SNTG1: variants seen among roughly 807,000 people sequenced by gnomAD.
SNTG1 encodes the protein gamma-1-syntrophin.
In SNTG1, 39 loss-of-function variants were observed where a neutral mutation model predicts 74.7. The observed-to-expected ratio is 0.52, with a 90% confidence interval of 0.40 to 0.68. The LOEUF (loss-of-function observed/expected upper bound fraction) is 0.68. SNTG1 is among the 30% of genes least tolerant of loss of function. The pLI is 0.00. For missense variants in SNTG1, 685 were observed against 609.5 expected (o/e 1.12, Z -1.30); for synonymous variants, 254 against 217.1 (o/e 1.17, Z -1.49).
At chr8:50,089,763 G>T (rs9772885) in intron 1 of SNTG1, among the ~76,000 whole-genome samples, 4 of 151,658 alleles carry the variant, frequency 2.6e-5, no homozygotes, top group Admixed American at 6.6e-5. Context: ...AACAACAGGT[G>T]CTGGAGAGGA....
intron 2 of SNTG1, among the ~76,000 whole-genome samples, chr8:50,241,442 T>C (rs929612510): frequency 2.0e-5 from 3 of 152,088 alleles, no homozygotes; most frequent in African/African-American, 7.2e-5. Flanking sequence ...GTGGCAATAT[T>C]CTGTTGAATT....
Position 50,266,684 on chromosome 8 carries a change from G to GTGTA in SNTG1, c.-28+94050_-28+94051insGTAT, listed in dbSNP as rs371676511. ...TGTGTGTGTGTGTGTGTGTGTGTGTGTATATATATATATATGAATGATACA... is the reference window on the plus strand; with the variant it reads ...TGTGTGTGTGTGTGTGTGTGTGTGTGTGTATATATATATATATATGAATGATACA... On this transcript the variant is annotated intron_variant, in intron 2 of 18. Coordinates refer to ENST00000642720, the MANE Select transcript of SNTG1 (RefSeq NM_018967.5). Among the ~76,000 whole-genome samples the GTGTA allele has an allele frequency of 5.6e-3, 767 of 136,770 alleles. 5 individuals are homozygous for GTGTA. The highest frequency in any genetic ancestry group is 0.012 in the Middle Eastern group (3 of 254). 89.7% of individuals were successfully genotyped at this position (136,770 alleles called of 152,430 possible).
At chr8:50,338,499 T>C (rs2091222721) in intron 2 of SNTG1, among the ~76,000 whole-genome samples, 1 of 152,190 alleles carries the variant, frequency 6.6e-6, no homozygotes, top group African/African-American at 2.4e-5. Flanking sequence ...AAACTAACTA[T>C]ATTATGCTAA....
At chr8:50,608,551 T>A (rs1430240512) in intron 13 of SNTG1, among the ~76,000 whole-genome samples, 1 of 151,898 alleles carries the variant, frequency 6.6e-6, no homozygotes, top group Non-Finnish European at 1.5e-5. Flanking sequence ...CTTGGCATAT[T>A]ATTTTCTAAT....
rs375343172 is a variant in SNTG1 at position 50,468,021 on chromosome 8, TC to T, written c.363+17293del. Among the ~76,000 whole-genome samples, 697 of 151,702 alleles carry T rather than the reference TC, an allele frequency of 4.6e-3. 4 individuals are homozygous for T. Among genetic ancestry groups the T allele is most frequent in the African/African-American group, 0.016 (668 of 41,500 alleles). ...TATTTGTATAATAAATATTTTTTTT[TC>T]AAAAAATAGTTAAAATTTGTTTTCT... On this transcript the variant is annotated intron_variant, in intron 8 of 18. Transcript: ENST00000642720.
At chr8:50,035,439 G>A (rs984394505) in intron 1 of SNTG1, among the ~76,000 whole-genome samples, 1 of 152,172 alleles carries the variant, frequency 6.6e-6, no homozygotes, top group Non-Finnish European at 1.5e-5. Context: ...AGTAAGGTTT[G>A]AGCCCACATA....
intron 18 of SNTG1, among the ~76,000 whole-genome samples, chr8:50,788,369 T>C (rs2095681766): frequency 6.6e-6 from 1 of 152,056 alleles, no homozygotes; most frequent in African/African-American, 2.4e-5. Context: ...AGAGACTCAC[T>C]TGAGTTATGG....
intron 1 of SNTG1, among the ~76,000 whole-genome samples, chr8:50,002,017 T>A (rs1023601714): frequency 6.6e-6 from 1 of 152,154 alleles, no homozygotes; most frequent in African/African-American, 2.4e-5. Flanking sequence ...CTACCGCTGT[T>A]TCTGAGCGGC....
chr8:50,362,584 A>G (rs2091990933), intron 2 of SNTG1, among the ~76,000 whole-genome samples: 1 of 152,000 alleles, frequency 6.6e-6, no homozygotes, highest in South Asian at 2.1e-4. Flanking sequence ...AGCAAACTAA[A>G]TCCCTTTAAA....
intron 8 of SNTG1, among the ~76,000 whole-genome samples, chr8:50,476,390 C>G (rs1375366795): frequency 6.6e-6 from 1 of 152,120 alleles, no homozygotes; most frequent in Admixed American, 6.6e-5. Context: ...GACTACTCTA[C>G]TCAGCTGATA....
intron 18 of SNTG1, among the ~76,000 whole-genome samples, chr8:50,779,837 GT>G (rs2095653387): frequency 6.6e-6 from 1 of 152,070 alleles, no homozygotes; most frequent in Non-Finnish European, 1.5e-5. Context: ...TTGGCTGTGG[GT>G]TTGTCACAGA....
At chr8:50,349,737 T>C (rs1292437730) in intron 2 of SNTG1, among the ~76,000 whole-genome samples, 1 of 152,172 alleles carries the variant, frequency 6.6e-6, no homozygotes, top group Admixed American at 6.5e-5. Flanking sequence ...CTTGTCCCCT[T>C]GAGAAGTGAC....
At position 50,439,610 on chromosome 8, in the gene SNTG1, C is replaced by A. The variant is rs181329191; in HGVS notation, c.219+1011C>A. Among the ~76,000 whole-genome samples, 231 of 151,706 alleles carry A rather than the reference C, an allele frequency of 1.5e-3. 2 individuals carry two copies. The highest frequency in any genetic ancestry group is 0.01 in the Middle Eastern group (3 of 292). ...TCAGTTTATCAAAGTGAAACTTTAT[C>A]TTATCACCAACTAAGACCAGGGAGG... On this transcript the variant is annotated intron_variant, in intron 5 of 18. Coordinates refer to ENST00000642720, the MANE Select transcript of SNTG1 (RefSeq NM_018967.5).
At chr8:50,394,844 A>T (rs1176627330) in intron 3 of SNTG1, among the ~76,000 whole-genome samples, 4 of 76,632 alleles carry the variant, frequency 5.2e-5, no homozygotes, top group Admixed American at 1.4e-4. Flanking sequence ...AAGAAAAACT[A>T]ACTTTTTTTT....
chr8:50,353,215 T>C (rs2091719671), intron 2 of SNTG1, among the ~76,000 whole-genome samples: 1 of 124,998 alleles, frequency 8.0e-6, no homozygotes, highest in Admixed American at 1.1e-4. Context: ...TGAGAACACA[T>C]GGACACAGGA....
chr8:50,148,794 T>A (rs2081964098), intron 1 of SNTG1, among the ~76,000 whole-genome samples: 1 of 152,212 alleles, frequency 6.6e-6, no homozygotes, highest in Non-Finnish European at 1.5e-5. Context: ...TAATCCAGTC[T>A]ATCATTGATG....
At position 49,931,480 on chromosome 8, in the gene SNTG1, A is replaced by T. The variant is rs528470367; in HGVS notation, c.-103+19249A>T. Reference sequence around the variant, plus strand: ...CAATGCTCACTATCTGGGTGATGGGATCCGTAACCCAAACCTCAGCATCGC... The same window carrying T: ...CAATGCTCACTATCTGGGTGATGGGTTCCGTAACCCAAACCTCAGCATCGC... On this transcript the variant is annotated intron_variant, in intron 1 of 18. Coordinates refer to ENST00000642720, the MANE Select transcript of SNTG1 (RefSeq NM_018967.5). Among the ~76,000 whole-genome samples the T allele has an allele frequency of 7.9e-5, 12 of 152,278 alleles. 1 individual carries two copies. The South Asian group carries it at 2.1e-3, about 26-fold the overall frequency.
chr8:50,671,988 G>T (rs572971620), intron 15 of SNTG1, among the ~76,000 whole-genome samples: 1 of 134,716 alleles, frequency 7.4e-6, no homozygotes, highest in African/African-American at 2.8e-5. Context: ...GATGGGAATT[G>T]AACAATGAGA....
intron 1 of SNTG1, among the ~76,000 whole-genome samples, chr8:50,156,421 A>G (rs2082256607): frequency 6.6e-6 from 1 of 152,114 alleles, no homozygotes; most frequent in Non-Finnish European, 1.5e-5. Context: ...AATACATAAA[A>G]GGATAACACA....
Sources: gnomAD v4.1 joint callset for allele counts (sites outside exome capture counted in the v4.1 genomes callset) on GRCh38, gnomAD v4.1.1 for gene constraint, MANE v1.5 for transcripts, NCBI Gene and HGNC (gene_info 2026-07-23, HGNC 2026-07-21) for gene names.